Variants in DDR2 observed in about 807,000 individuals in gnomAD.
The protein encoded by DDR2 is discoidin domain-containing receptor 2.
Under a neutral mutation model 94.9 loss-of-function variants are expected in DDR2, and 27 were observed. That is an observed-to-expected ratio of 0.28 (90% CI 0.21 to 0.39). The LOEUF is 0.39. Among genes scored for constraint, DDR2 ranks in the 10% least tolerant of loss-of-function variants. DDR2 has a pLI of 1.00. For missense variants in DDR2, 783 were observed against 1,076.0 expected (o/e 0.73, Z 3.81); for synonymous variants, 382 against 377.2 (o/e 1.01, Z -0.15).
chr1:162,766,007 C>A lies in DDR2; in HGVS notation c.1106C>A (p.Ala369Glu). The A allele has an allele frequency of 6.2e-7, 1 of 1,613,904 alleles. No individual in the cohort carries two copies. Among genetic ancestry groups the A allele is most frequent in the South Asian group, 1.1e-5 (1 of 91,066 alleles). ...FSEITFQSDA[A>E]MYNNSEALPT... ...CACCCTTGTTTTATAACAGATGCTG[C>A]AATGTACAACAACTCTGAAGCCCTG... Residue 369 changes from alanine to glutamate, a missense_variant, in exon 10 of 18, where the codon GCA becomes GAA. Ala to Glu is a moderately radical substitution (Grantham distance 107, BLOSUM62 -1). This residue lies in a region of DDR2 where 519 missense variants were observed against 647.9 expected (regional missense o/e 0.80). Coordinates refer to ENST00000367921, the MANE Select transcript of DDR2 (RefSeq NM_006182.4).
chr1:162,739,768 A>C (rs2805031), intron 3 of DDR2, among the ~76,000 whole-genome samples: 3 of 152,232 alleles, frequency 2.0e-5, no homozygotes, highest in African/African-American at 7.2e-5. Flanking sequence ...AAATTATTGC[A>C]CTATTCCTGG....
At chr1:162,717,744 A>G (rs1007269239) in intron 2 of DDR2, among the ~76,000 whole-genome samples, 4 of 152,206 alleles carry the variant, frequency 2.6e-5, no homozygotes, top group African/African-American at 9.6e-5. Context: ...GGAAGTCCAC[A>G]GAGGTAAAGT....
intron 3 of DDR2, among the ~76,000 whole-genome samples, chr1:162,749,173 G>A (rs572390486): frequency 1.2e-4 from 19 of 152,092 alleles, no homozygotes; most frequent in African/African-American, 3.9e-4. Flanking sequence ...AACTGAAGGA[G>A]ATAGAGACAC....
At chr1:162,704,386 T>G (rs1370155149) in intron 2 of DDR2, among the ~76,000 whole-genome samples, 1 of 152,172 alleles carries the variant, frequency 6.6e-6, no homozygotes, top group Non-Finnish European at 1.5e-5. Flanking sequence ...ATTGTCCATG[T>G]GTGGAGTTGC....
intron 1 of DDR2, among the ~76,000 whole-genome samples, chr1:162,647,116 G>C (rs1010336685): frequency 3.9e-5 from 6 of 152,082 alleles, no homozygotes; most frequent in Non-Finnish European, 7.4e-5. Context: ...AATATACTCG[G>C]TCTAGACTCT....
chr1:162,757,496 G>A (rs1366866667), intron 7 of DDR2, among the ~76,000 whole-genome samples: 1 of 152,218 alleles, frequency 6.6e-6, no homozygotes, highest in African/African-American at 2.4e-5. Context: ...GCAAAGTAGT[G>A]CAGGAGAAGC....
At chr1:162,692,425 G>A (rs1659999406) in intron 2 of DDR2, among the ~76,000 whole-genome samples, 2 of 152,180 alleles carry the variant, frequency 1.3e-5, no homozygotes, top group East Asian at 1.9e-4. Context: ...ATGACCAATC[G>A]AGGATTTGTA....
At position 162,772,861 on chromosome 1, in the gene DDR2, G is replaced by A. The variant is rs6683182; in HGVS notation, c.1729-608G>A. On this transcript the variant is annotated intron_variant, in intron 13 of 17. Coordinates refer to ENST00000367921, the MANE Select transcript of DDR2 (RefSeq NM_006182.4). Reference sequence around the variant, plus strand: ...CTAATAGGAACTCTTCACCACTGCCGTCTAAACTCCAAATAAAACATTTGG... The same window carrying A: ...CTAATAGGAACTCTTCACCACTGCCATCTAAACTCCAAATAAAACATTTGG... Among the ~76,000 whole-genome samples, 355 of 152,260 alleles carry A rather than the reference G, an allele frequency of 2.3e-3. 1 individual carries two copies. The highest frequency in any genetic ancestry group is 3.7e-3 in the Non-Finnish European group (255 of 68,016).
intron 11 of DDR2, among the ~76,000 whole-genome samples, chr1:162,769,879 T>C (rs1664180286): frequency 6.6e-6 from 1 of 152,202 alleles, no homozygotes; most frequent in Admixed American, 6.5e-5. Context: ...ATTCATCATG[T>C]TATAGCACAT....
At chr1:162,658,392 G>C (rs1043968778) in intron 2 of DDR2, among the ~76,000 whole-genome samples, 1 of 152,136 alleles carries the variant, frequency 6.6e-6, no homozygotes, top group African/African-American at 2.4e-5. Flanking sequence ...CATAAACCTC[G>C]ATGTCTGAAA....
chr1:162,648,057 C>CTTT (rs34938100), intron 1 of DDR2, among the ~76,000 whole-genome samples: 1 of 142,652 alleles, frequency 7.0e-6, no homozygotes, highest in Non-Finnish European at 1.5e-5. Flanking sequence ...AGGTTTTTTC[C>CTTT]TTTTTTTTTT....
At chr1:162,691,022 C>T (rs566940818) in intron 2 of DDR2, among the ~76,000 whole-genome samples, 6 of 152,166 alleles carry the variant, frequency 3.9e-5, no homozygotes, top group African/African-American at 1.4e-4. Flanking sequence ...CTCTTTCCCC[C>T]CCAGGGTATA....
chr1:162,663,707 A>G (rs1328610250), intron 2 of DDR2, among the ~76,000 whole-genome samples: 1 of 152,116 alleles, frequency 6.6e-6, no homozygotes, highest in African/African-American at 2.4e-5. Context: ...ACTACACAAG[A>G]GGCTGGTGAC....
At chr1:162,770,785 A>G (rs1664231888) in intron 12 of DDR2, 2 of 498,786 alleles carry the variant, frequency 4.0e-6, no homozygotes, top group Admixed American at 5.5e-5. Context: ...TGTTGACACC[A>G]GAAGAACCTA....
At chr1:162,669,700 C>T (rs1332049969) in intron 2 of DDR2, among the ~76,000 whole-genome samples, 5 of 151,952 alleles carry the variant, frequency 3.3e-5, no homozygotes, top group African/African-American at 1.2e-4. Context: ...AGAATTGATC[C>T]CTTTATGTGA....
At chr1:162,642,100 G>T (rs1234360210) in intron 1 of DDR2, among the ~76,000 whole-genome samples, 1 of 152,142 alleles carries the variant, frequency 6.6e-6, no homozygotes, top group East Asian at 1.9e-4. Context: ...TGGGATTACA[G>T]GCACCCACAC....
At chr1:162,682,640 G>A (rs569374133) in intron 2 of DDR2, among the ~76,000 whole-genome samples, 54 of 152,250 alleles carry the variant, frequency 3.5e-4, no homozygotes, top group Non-Finnish European at 6.2e-4. Flanking sequence ...TGCTTCCTAG[G>A]TATACTGACT....
intron 2 of DDR2, among the ~76,000 whole-genome samples, chr1:162,707,712 A>G (rs1397546119): frequency 1.3e-5 from 2 of 152,198 alleles, no homozygotes; most frequent in Non-Finnish European, 2.9e-5. Context: ...TGGGCTCACA[A>G]TAGATGCTAA....
chr1:162,632,963 T>A (rs1656633154), intron 1 of DDR2, among the ~76,000 whole-genome samples: 1 of 152,214 alleles, frequency 6.6e-6, no homozygotes, highest in East Asian at 1.9e-4. Flanking sequence ...ACAGGCCGAT[T>A]GCAGAGTTAG....
Sources: allele counts gnomAD v4.1 joint callset (sites outside exome capture counted in the v4.1 genomes callset), GRCh38; gene constraint gnomAD v4.1.1; regional missense constraint gnomAD v4.1.1; transcripts MANE v1.5; gene names NCBI Gene and HGNC (gene_info 2026-07-23, HGNC 2026-07-21).